ZNF180: variants seen among roughly 807,000 people sequenced by gnomAD.
ZNF180 encodes the protein zinc finger protein 180 (HHZ168).
ZNF180 carries 11 observed loss-of-function variants against 11.8 expected under a neutral mutation model. The ratio of observed to expected loss-of-function variants is 0.93; its 90% confidence interval spans 0.59 to 1.55. ZNF180 has a LOEUF of 1.55. Among genes scored for constraint, ZNF180 ranks in the 40% most tolerant of loss-of-function variants. ZNF180 has a pLI of 0.00. For synonymous variants in ZNF180, 287 were observed against 257.7 expected, an observed-to-expected ratio of 1.11 and a Z score of -1.09; for missense variants, 773 against 781.7, an observed-to-expected ratio of 0.99 and a Z score of 0.13.
intron 2 of ZNF180, among the ~76,000 whole-genome samples, chr19:44,490,097 AGCGAAAGG>A (rs1970406499): frequency 2.0e-5 from 1 of 50,490 alleles, no homozygotes; most frequent in African/African-American, 4.8e-5. Context: ...GAAGGGAAAG[AGCGAAAGG>A]AAGGGAAAGA....
intron 2 of ZNF180, chr19:44,485,112 GATCATGCCACT>G (rs1379653146): frequency 3.0e-5 from 4 of 133,158 alleles, no homozygotes; most frequent in African/African-American, 1.2e-4. Context: ...AGTGATCCAA[GATCATGCCACT>G]GTACTCCAGC....
Position 44,477,928 on chromosome 19 carries a change from T to C in ZNF180, c.472A>G (p.Ile158Val). 6.2e-7 allele frequency: 1 copy of C among 1,614,026 alleles called. No individual in the cohort carries two copies. The highest frequency in any genetic ancestry group is 8.5e-7 in the Non-Finnish European group (1 of 1,179,976). The change falls in exon 5 of 5, where the codon ATT (isoleucine) becomes GTT (valine). Residue 158 changes from isoleucine to valine, a missense_variant. By Grantham distance (29) the Ile-to-Val change is conservative. Coordinates refer to ENST00000592529, the MANE Select transcript of ZNF180 (RefSeq NM_001278509.3). ...TCACTTTTGCAGACTCTCTCATGAA[T>C]AACTGCTTTCCTTTGAGTGAATGCC... ...EVAFTQRKAV[I>V]HERVCKSDET...
In ZNF180 at chr19:44,476,362, G is replaced by A; in HGVS notation, c.*40C>T. On this transcript the variant is annotated 3_prime_UTR_variant, in exon 5 of 5. Transcript: ENST00000592529. ...CTACCTTAAAATAAATTTTTTAAAAGAATGAAATAAAAAGGAAGAAATCCC... is the reference window on the plus strand; with the variant it reads ...CTACCTTAAAATAAATTTTTTAAAAAAATGAAATAAAAAGGAAGAAATCCC... 8 of 1,506,442 alleles carry A rather than the reference G, an allele frequency of 5.3e-6. No homozygotes were observed. Among genetic ancestry groups the A allele is most frequent in the Non-Finnish European group, 6.2e-6 (7 of 1,127,706 alleles). The allele number at this position is 1,506,442 out of a possible 1,614,324, so 93.3% of individuals were successfully genotyped here. A position where few individuals can be genotyped will look rare whatever the true frequency, so the allele number is the denominator to read the frequency against.
intron 2 of ZNF180, among the ~76,000 whole-genome samples, chr19:44,490,946 T>C (rs1358613439): frequency 6.6e-6 from 1 of 152,250 alleles, no homozygotes; most frequent in Admixed American, 6.5e-5. Context: ...TCTATCACTT[T>C]ACCCTGCTTT....
Position 44,477,574 on chromosome 19 carries a change from A to C in ZNF180, c.826T>G (p.Phe276Val). Reference sequence around the variant, plus strand: ...TTCAAAACCTGCCCACATTCTTTAAAATCAAAGGTTTTTCCTCCTCCATGA... The same window carrying C: ...TTCAAAACCTGCCCACATTCTTTAACATCAAAGGTTTTTCCTCCTCCATGA... The part of the protein sequence containing the change: ...KIHGGGKTFD[F>V]KECGQVLNPK... The change falls in exon 5 of 5, where the codon TTT (phenylalanine) becomes GTT (valine). Residue 276 changes from phenylalanine to valine, a missense_variant. Coordinates refer to ENST00000592529, the MANE Select transcript of ZNF180 (RefSeq NM_001278509.3). 1 of 1,614,080 alleles carries C rather than the reference A, an allele frequency of 6.2e-7. No individual in the cohort carries two copies. The highest frequency in any genetic ancestry group is 8.5e-7 in the Non-Finnish European group (1 of 1,180,014).
intron 4 of ZNF180, among the ~76,000 whole-genome samples, chr19:44,478,647 T>A (rs1043584048): frequency 3.9e-4 from 59 of 152,362 alleles, no homozygotes; most frequent in African/African-American, 1.3e-3. Flanking sequence ...TGGGGCATTA[T>A]TATCCAGTTC....
At chr19:44,488,618 C>T (rs930589695) in intron 2 of ZNF180, among the ~76,000 whole-genome samples, 1 of 152,014 alleles carries the variant, frequency 6.6e-6, no homozygotes, top group African/African-American at 2.4e-5. Flanking sequence ...TCGCTACAAC[C>T]TCCACCTCCC....
chr19:44,477,428 T>C lies in ZNF180; in HGVS notation c.972A>G (p.Lys324=). Residue 324 remains lysine (K), a synonymous_variant, in exon 5 of 5, where the codon AAA becomes AAG. Coordinates refer to ENST00000592529, the MANE Select transcript of ZNF180 (RefSeq NM_001278509.3). The part of the protein sequence containing the change: ...TQNMRNNSEE[K]PFECNQCGKS... ...TCCCACACTGATTACATTCAAAAGG[T>C]TTCTCTTCAGAATTATTTCTCATGT... 2.5e-6 allele frequency: 4 copies of C among 1,614,196 alleles called. No individual in the cohort carries two copies. The highest frequency in any genetic ancestry group is 3.4e-6 in the Non-Finnish European group (4 of 1,180,030).
intron 1 of ZNF180, among the ~76,000 whole-genome samples, chr19:44,498,786 G>C (rs559596780): frequency 1.8e-4 from 27 of 152,110 alleles, no homozygotes; most frequent in Non-Finnish European, 3.8e-4. Context: ...CCAAATGCCA[G>C]CACACGTGCA....
At chr19:44,493,830 T>C (rs1970510029) in intron 2 of ZNF180, among the ~76,000 whole-genome samples, 1 of 152,186 alleles carries the variant, frequency 6.6e-6, no homozygotes, top group African/African-American at 2.4e-5. Flanking sequence ...AAGAGGCCTC[T>C]CTGGTGTACA....
chr19:44,475,310 A>C lies in ZNF180; in HGVS notation c.*1092T>G, dbSNP rs1033658183. On this transcript the variant is annotated 3_prime_UTR_variant, in exon 5 of 5. Coordinates refer to ENST00000592529, the MANE Select transcript of ZNF180 (RefSeq NM_001278509.3). ...CATCAGGGAACATATCCCAGAGGAA[A>C]GAGACAATGCTACATGAGGGGAAGA... 1 of 152,248 alleles carries C rather than the reference A, an allele frequency of 6.6e-6. No individual in the cohort carries two copies. The highest frequency in any genetic ancestry group is 1.5e-5 in the Non-Finnish European group (1 of 68,058). The allele number at this position is 152,248 out of a possible 1,614,324, so 9.4% of individuals were successfully genotyped here. A position where few individuals can be genotyped will look rare whatever the true frequency, so the allele number is the denominator to read the frequency against.
Position 44,484,357 on chromosome 19 carries a change from C to T in ZNF180, c.126+4G>A. The T allele has an allele frequency of 6.2e-7, 1 of 1,610,336 alleles. No individual in the cohort carries two copies. Among genetic ancestry groups the T allele is most frequent in the South Asian group, 1.1e-5 (1 of 90,994 alleles). On this transcript the variant is annotated splice_donor_region_variant and intron_variant, in intron 3 of 4. Coordinates refer to ENST00000592529, the MANE Select transcript of ZNF180 (RefSeq NM_001278509.3). ...TGTAAAGACAGAGGCCTTGCCCAAC[C>T]TACCTGAGATGGGATGGTCAGAGAC... is the stretch of plus-strand genomic sequence containing the variant.
rs979243875 is a variant in ZNF180, at chr19:44,479,361, G to C, written c.175C>G (p.Gln59Glu). ...IVTVDFTREE[Q>E]GTCNPAQRTL... ...CTCTGAGCAGGGTTGCAAGTACCCT[G>C]TTCCTCCCGTGTGAAGTCCACAGTC... Residue 59 changes from glutamine (Q) to glutamate (E), a missense_variant, in exon 4 of 5, where the codon CAG becomes GAG. Physicochemically the swap from Gln to Glu is conservative, Grantham distance 29. Transcript: ENST00000592529. The C allele has an allele frequency of 3.7e-6, 6 of 1,613,876 alleles. No homozygotes were observed. The African/African-American group carries it at 5.3e-5, about 14-fold the overall frequency.
Position 44,477,571 on chromosome 19 carries a change from T to C in ZNF180, c.829A>G (p.Lys277Glu). The change falls in exon 5 of 5, where the codon AAA becomes GAA. Residue 277 changes from lysine to glutamate, a missense_variant. Coordinates refer to ENST00000592529, the MANE Select transcript of ZNF180 (RefSeq NM_001278509.3). ...GGGTTCAAAACCTGCCCACATTCTT[T>C]AAAATCAAAGGTTTTTCCTCCTCCA... ...IHGGGKTFDF[K>E]ECGQVLNPKI... 1 of 1,614,148 alleles carries C rather than the reference T, an allele frequency of 6.2e-7. No individual in the cohort carries two copies.
At chr19:44,489,981 AAG>A (rs1433354570) in intron 2 of ZNF180, among the ~76,000 whole-genome samples, 1 of 128,170 alleles carries the variant, frequency 7.8e-6, no homozygotes, top group Non-Finnish European at 1.6e-5. Flanking sequence ...GAAAGAAAGA[AAG>A]AAAGAAAAAG....
chr19:44,479,539 CA>C, intron 3 of ZNF180, 130 bp from the exon 4 acceptor site: 3 of 1,262,546 alleles, frequency 2.4e-6, no homozygotes, highest in Non-Finnish European at 3.3e-6. Flanking sequence ...TGTCAGTGCC[CA>C]AAAGATTCCA....
In ZNF180 at chr19:44,477,977, T is replaced by C. The variant is rs1400545436; in HGVS notation, c.423A>G (p.Lys141=). ...CKDQLEKQQE[K]QEILLQEVAF... Reference sequence around the variant, plus strand: ...CCACTTCCTGCAAAAGTATCTCTTGTTTTTCCTGTTGCTTCTCCAACTGGT... The same window carrying C: ...CCACTTCCTGCAAAAGTATCTCTTGCTTTTCCTGTTGCTTCTCCAACTGGT... The change falls in exon 5 of 5, where the codon AAA becomes AAG. Residue 141 remains lysine (K), a synonymous_variant. Transcript: ENST00000592529. 6.2e-7 allele frequency: 1 copy of C among 1,614,086 alleles called. No homozygotes were observed. The highest frequency in any genetic ancestry group is 2.2e-5 in the East Asian group (1 of 44,858).
intron 2 of ZNF180, among the ~76,000 whole-genome samples, chr19:44,489,074 C>T (rs1254703613): frequency 7.7e-6 from 1 of 130,708 alleles, no homozygotes; most frequent in East Asian, 4.6e-4. Context: ...AGCCCCCGCC[C>T]GGCCAGCCGC....
At chr19:44,490,070 GA>G in intron 2 of ZNF180, among the ~76,000 whole-genome samples, 2 of 139,582 alleles carry the variant, frequency 1.4e-5, no homozygotes, top group Admixed American at 1.5e-4. Flanking sequence ...GAAAGGAAGG[GA>G]AAGAAAGAGG....
Sources: gnomAD v4.1 joint callset for allele counts (sites outside exome capture counted in the v4.1 genomes callset) on GRCh38, gnomAD v4.1.1 for gene constraint, MANE v1.5 for transcripts, NCBI Gene and HGNC (gene_info 2026-07-23, HGNC 2026-07-21) for gene names.